Variants in CNOT4 observed in about 807,000 individuals in gnomAD.
The protein encoded by CNOT4 is CCR4-NOT transcription complex subunit 4, also known as CCR4-associated factor 4.
In CNOT4, 8 loss-of-function variants were observed where a neutral mutation model predicts 73.8. The observed-to-expected ratio is 0.11, with a 90% CI of 0.06 to 0.20. CNOT4 has a LOEUF of 0.20. Ranked by LOEUF, CNOT4 falls within the 10% of genes least tolerant of loss-of-function variation. CNOT4 has a pLI of 1.00. For synonymous variants in CNOT4, 293 were observed against 321.1 expected (o/e 0.91, Z 0.94); for missense variants, 564 against 883.4 (o/e 0.64, Z 4.58).
Position 135,362,651 on chromosome 7 carries a change from G to A in CNOT4, c.*234C>T. The stretch of plus-strand genomic sequence containing the variant: ...TTCTCTCCTTAAAAAGGCATTTTTA[G>A]AAACATTCAACAGTGTCACTCAAAT... On this transcript the variant is annotated 3_prime_UTR_variant, in exon 12 of 12. Transcript: ENST00000541284. The A allele has an allele frequency of 1.6e-6, 1 of 622,962 alleles. No individual in the cohort carries two copies. Among genetic ancestry groups the A allele is most frequent in the African/African-American group, 1.8e-5 (1 of 54,272 alleles). 38.6% of individuals were successfully genotyped at this position (622,962 alleles called of 1,614,324 possible). A position where few individuals can be genotyped will look rare whatever the true frequency, so the allele number is the denominator to read the frequency against.
intron 1 of CNOT4, among the ~76,000 whole-genome samples, chr7:135,453,010 T>C (rs578215674): frequency 2.0e-5 from 3 of 152,270 alleles, no homozygotes; most frequent in South Asian, 2.1e-4. Flanking sequence ...AACTGAAAAA[T>C]ACAGTTTTAT....
intron 1 of CNOT4, among the ~76,000 whole-genome samples, chr7:135,478,817 A>G (rs79028976): frequency 0.022 from 3,407 of 152,304 alleles, 125 homozygotes; most frequent in African/African-American, 0.07. Context: ...ACACCAAAAA[A>G]TAAGGTTGGT....
intron 1 of CNOT4, among the ~76,000 whole-genome samples, chr7:135,474,222 C>A (rs1047457695): frequency 6.6e-6 from 1 of 151,350 alleles, no homozygotes; most frequent in Admixed American, 6.6e-5. Flanking sequence ...TCATGATGCA[C>A]CTGCCTCAGC....
intron 7 of CNOT4, among the ~76,000 whole-genome samples, chr7:135,407,088 G>A (rs1393508114): frequency 6.6e-6 from 1 of 152,064 alleles, no homozygotes; most frequent in African/African-American, 2.4e-5. Context: ...AGGAGATCTG[G>A]TCATTTAAAA....
chr7:135,412,415 T>C (rs770196798), intron 6 of CNOT4, among the ~76,000 whole-genome samples: 2 of 151,938 alleles, frequency 1.3e-5, no homozygotes, highest in South Asian at 4.1e-4. Flanking sequence ...TAAAATTTAG[T>C]TTGAAATTTT....
At chr7:135,417,057 T>G (rs536373528) in intron 3 of CNOT4, among the ~76,000 whole-genome samples, 1 of 152,240 alleles carries the variant, frequency 6.6e-6, no homozygotes, top group Non-Finnish European at 1.5e-5. Context: ...TCATGGTACC[T>G]GAGTTGCCAA....
At chr7:135,414,296 A>T in intron 5 of CNOT4, 35 bp downstream of exon 5, 3 of 181,104 alleles carry the variant, frequency 1.7e-5, no homozygotes, top group Admixed American at 6.4e-5. Flanking sequence ...CGTCTTCCTT[A>T]AAAAAAAAAA....
At chr7:135,377,766 C>A (rs1401944232) in intron 10 of CNOT4, among the ~76,000 whole-genome samples, 1 of 151,918 alleles carries the variant, frequency 6.6e-6, no homozygotes, top group Non-Finnish European at 1.5e-5. Flanking sequence ...TCATCCTTAG[C>A]AATAATTTAT....
At chr7:135,380,138 C>A (rs865986560) in intron 10 of CNOT4, among the ~76,000 whole-genome samples, 116 of 150,814 alleles carry the variant, frequency 7.7e-4, no homozygotes, top group East Asian at 4.3e-3. Context: ...AAAAAAAAAA[C>A]AAAAAAACCC....
At chr7:135,405,614 A>G (rs1487336847) in intron 7 of CNOT4, among the ~76,000 whole-genome samples, 1 of 152,238 alleles carries the variant, frequency 6.6e-6, no homozygotes, top group Non-Finnish European at 1.5e-5. Context: ...TATATAGTTC[A>G]AAACTCATTA....
chr7:135,482,899 T>G (rs1802473316), intron 1 of CNOT4, among the ~76,000 whole-genome samples: 1 of 143,708 alleles, frequency 7.0e-6, no homozygotes. Flanking sequence ...AGCAGGAGAA[T>G]CTCCTGAGCC....
chr7:135,497,836 T>G (rs1244181956), intron 1 of CNOT4, among the ~76,000 whole-genome samples: 1 of 152,258 alleles, frequency 6.6e-6, no homozygotes, highest in Non-Finnish European at 1.5e-5. Context: ...TATATTTCTA[T>G]GTGGTCAAGT....
At chr7:135,393,666 T>C (rs1043911426) in intron 10 of CNOT4, among the ~76,000 whole-genome samples, 27 of 152,218 alleles carry the variant, frequency 1.8e-4, no homozygotes, top group African/African-American at 6.5e-4. Flanking sequence ...ATATGAAAGT[T>C]TGGTAATTAT....
intron 1 of CNOT4, among the ~76,000 whole-genome samples, chr7:135,464,235 ACGAATGTTCAC>A (rs1801082444): frequency 6.6e-6 from 1 of 152,180 alleles, no homozygotes; most frequent in Non-Finnish European, 1.5e-5. Context: ...TCACATGCAC[ACGAATGTTCAC>A]TGCAGTGCTA....
chr7:135,437,897 T>C (rs182882868), intron 2 of CNOT4, among the ~76,000 whole-genome samples: 1 of 152,294 alleles, frequency 6.6e-6, no homozygotes, highest in Non-Finnish European at 1.5e-5. Flanking sequence ...TCTCCTCGGA[T>C]AAAACAACAA....
At chr7:135,387,906 T>C in intron 10 of CNOT4, 1 of 963,404 alleles carries the variant, frequency 1.0e-6, no homozygotes, top group East Asian at 1.1e-4. Flanking sequence ...CAGGTACTTA[T>C]AATATTATCT....
intron 10 of CNOT4, chr7:135,387,533 T>A: frequency 3.1e-6 from 3 of 972,230 alleles, no homozygotes; most frequent in Non-Finnish European, 3.7e-6. Flanking sequence ...CTTTTTTGTA[T>A]TCACATTATC....
intron 2 of CNOT4, among the ~76,000 whole-genome samples, chr7:135,423,664 CT>C (rs1017748473): frequency 3.9e-5 from 6 of 152,212 alleles, no homozygotes; most frequent in African/African-American, 1.4e-4. Flanking sequence ...ACTTAATACT[CT>C]TCATAGTTTA....
At chr7:135,498,721 C>G (rs929534058) in intron 1 of CNOT4, among the ~76,000 whole-genome samples, 2 of 151,956 alleles carry the variant, frequency 1.3e-5, no homozygotes, top group Non-Finnish European at 2.9e-5. Context: ...GCTAATTTTT[C>G]TATTTTTAGT....
Sources: gnomAD v4.1 joint callset for allele counts (sites outside exome capture counted in the v4.1 genomes callset) on GRCh38, gnomAD v4.1.1 for gene constraint, MANE v1.5 for transcripts, NCBI Gene and HGNC (gene_info 2026-07-23, HGNC 2026-07-21) for gene names.